The following PPP1R21 variants were observed in gnomAD, a reference collection of about 807,000 sequenced individuals.
PPP1R21 encodes KLRAQ motif containing 1.
In PPP1R21, 85 loss-of-function variants were observed where a neutral mutation model predicts 112.8. The observed-to-expected ratio is 0.75, with a 90% CI of 0.63 to 0.90. The LOEUF is 0.90. Ranked by LOEUF, PPP1R21 falls within the 40% of genes least tolerant of loss-of-function variation. The probability of loss-of-function intolerance (pLI) is 0.00; values close to 1 mark genes in which losing one functional copy is unlikely to be tolerated. For missense variants in PPP1R21, 1,199 were observed against 901.5 expected (o/e 1.33, Z -4.23); for synonymous variants, 381 against 322.3 (o/e 1.18, Z -1.95).
Position 48,491,057 on chromosome 2 carries a change from G to C in PPP1R21, c.1486G>C (p.Ala496Pro), listed in dbSNP as rs1469376292. The change falls in exon 15 of 22, where the codon GCT (alanine) becomes CCT (proline). Residue 496 changes from alanine to proline, a missense_variant. By Grantham distance (27) the Ala-to-Pro change is conservative (BLOSUM62 -1). Transcript: ENST00000294952. ...CAGCAACAATTTGGACTACTTCATT[G>C]CTTCACTGAGCTATGGACCTAAGGC... ...FFSNNLDYFI[A>P]SLSYGPKAAS... 1 of 1,613,852 alleles carries C rather than the reference G, an allele frequency of 6.2e-7. No individual in the cohort carries two copies. Among genetic ancestry groups the C allele is most frequent in the African/African-American group, 1.3e-5 (1 of 74,876 alleles).
chr2:48,442,598 T>C lies in PPP1R21; in HGVS notation c.57+1588T>C, dbSNP rs149133685. 8.6e-3 allele frequency among the ~76,000 whole-genome samples: 1,311 copies of C among 152,276 alleles called. 11 individuals carry two copies. The highest frequency in any genetic ancestry group is 0.013 in the Non-Finnish European group (888 of 68,016). ...TCACCTTTAATGGAATATTCTAACGTAGTACATAGTTATGATATAGTACGA... is the reference window on the plus strand; with the variant it reads ...TCACCTTTAATGGAATATTCTAACGCAGTACATAGTTATGATATAGTACGA... On this transcript the variant is annotated intron_variant, in intron 1 of 21. Transcript: ENST00000294952.
At chr2:48,510,381 C>T (rs1281186036) in intron 20 of PPP1R21, among the ~76,000 whole-genome samples, 3 of 152,168 alleles carry the variant, frequency 2.0e-5, no homozygotes, top group Non-Finnish European at 2.9e-5. Flanking sequence ...TTTCTTTCCC[C>T]TTCCTTGTAC....
chr2:48,458,141 T>A lies in PPP1R21; in HGVS notation c.289T>A (p.Ser97Thr), dbSNP rs767995383. The change falls in exon 4 of 22, where the codon TCT (serine) becomes ACT (threonine). Residue 97 changes from serine to threonine, a missense_variant. Coordinates refer to ENST00000294952, the MANE Select transcript of PPP1R21 (RefSeq NM_001135629.3). ...GKKNKKSGES[S>T]SQLSQEQKSV... Reference sequence around the variant, plus strand: ...TTTCCATCAGAAAAGTGGAGAATCTTCTTCTCAGTTGAGTCAAGAGCAGAA... The same window carrying A: ...TTTCCATCAGAAAAGTGGAGAATCTACTTCTCAGTTGAGTCAAGAGCAGAA... The A allele has an allele frequency of 5.6e-6, 9 of 1,610,776 alleles. No individual in the cohort carries two copies. In the South Asian group the frequency reaches 9.9e-5, roughly 18 times the overall value.
At chr2:48,507,931 A>G (rs1670463252) in intron 19 of PPP1R21, among the ~76,000 whole-genome samples, 1 of 151,180 alleles carries the variant, frequency 6.6e-6, no homozygotes, top group Non-Finnish European at 1.5e-5. Context: ...ATGCCTGGCT[A>G]ATTTTTGTAT....
At chr2:48,469,515 T>TATATATATATATAGAGC (rs1668404796) in intron 9 of PPP1R21, among the ~76,000 whole-genome samples, 1 of 16,248 alleles carries the variant, frequency 6.2e-5, no homozygotes, top group Non-Finnish European at 1.2e-4. Flanking sequence ...AGAGCATATA[T>TATATATATATATAGAGC]ATATATATAT....
intron 13 of PPP1R21, 51 bp downstream of exon 13, chr2:48,480,067 G>T (rs189329636): frequency 4.2e-6 from 5 of 1,181,042 alleles, no homozygotes; most frequent in Admixed American, 1.7e-5. Context: ...CACTTTCTTC[G>T]ATCTGCCTGA....
chr2:48,448,590 A>G (rs1021743157), intron 1 of PPP1R21, among the ~76,000 whole-genome samples: 8 of 23,932 alleles, frequency 3.3e-4, no homozygotes, highest in Admixed American at 3.3e-3. Context: ...ATGAAATAAA[A>G]TCTAACGTCT....
chr2:48,486,768 T>A lies in PPP1R21; in HGVS notation c.1446+10T>A. ...AAATGGAGCAGGAAAGGTAATTCTC[T>A]TCTGGCGTATATTGATGTTAAAACT... On this transcript the variant is annotated intron_variant, in intron 14 of 21. Transcript: ENST00000294952. The A allele has an allele frequency of 6.2e-7, 1 of 1,610,356 alleles. No individual in the cohort carries two copies. Among genetic ancestry groups the A allele is most frequent in the South Asian group, 1.1e-5 (1 of 90,318 alleles).
intron 9 of PPP1R21, among the ~76,000 whole-genome samples, chr2:48,469,665 A>G (rs1572853364): frequency 6.7e-6 from 1 of 150,140 alleles, no homozygotes; most frequent in South Asian, 2.1e-4. Flanking sequence ...GCTTGTTGCC[A>G]TGTTATACCC....
At chr2:48,460,976 G>A (rs150323534) in intron 6 of PPP1R21, among the ~76,000 whole-genome samples, 162 bp from the exon 7 acceptor site, 164 of 152,290 alleles carry the variant, frequency 1.1e-3, no homozygotes, top group African/African-American at 3.4e-3. Flanking sequence ...CCAGGTTAGC[G>A]TTTTTGTTAT....
chr2:48,448,222 A>G (rs183306440), intron 1 of PPP1R21, among the ~76,000 whole-genome samples: 2 of 152,336 alleles, frequency 1.3e-5, no homozygotes, highest in East Asian at 3.9e-4. Flanking sequence ...AAATGGTTTC[A>G]TTGAAACCAT....
chr2:48,490,362 TTAAAG>T (rs1488911706), intron 14 of PPP1R21, among the ~76,000 whole-genome samples: 1 of 152,190 alleles, frequency 6.6e-6, no homozygotes, highest in Non-Finnish European at 1.5e-5. Flanking sequence ...TGAAGTCACT[TTAAAG>T]TACTTGTTGA....
chr2:48,484,623 T>C (rs542877494), intron 13 of PPP1R21, among the ~76,000 whole-genome samples: 112 of 152,204 alleles, frequency 7.4e-4, no homozygotes, highest in African/African-American at 2.5e-3. Context: ...TTTAAGCAAT[T>C]CTTATGCCTC....
chr2:48,506,406 A>G (rs577929368), intron 18 of PPP1R21, among the ~76,000 whole-genome samples: 1 of 152,172 alleles, frequency 6.6e-6, no homozygotes, highest in African/African-American at 2.4e-5. Context: ...TTTAAGATGT[A>G]ACTTTATAAA....
chr2:48,480,104 G>C, intron 13 of PPP1R21, 88 bp downstream of exon 13: 1 of 887,372 alleles, frequency 1.1e-6, no homozygotes, highest in Non-Finnish European at 1.9e-6. Context: ...CACTGCCAAG[G>C]GTAATAGACC....
intron 9 of PPP1R21, 69 bp downstream of exon 9, chr2:48,465,711 C>A: frequency 7.1e-7 from 1 of 1,415,276 alleles, no homozygotes; most frequent in Non-Finnish European, 9.7e-7. Flanking sequence ...GTTTTTAGAC[C>A]TCTTCTGTGC....
chr2:48,455,709 C>T (rs539923735), intron 3 of PPP1R21, among the ~76,000 whole-genome samples: 5 of 152,070 alleles, frequency 3.3e-5, no homozygotes, highest in Non-Finnish European at 4.4e-5. Context: ...ATTGTCAAAG[C>T]GTTACTACTC....
At chr2:48,473,063 A>T (rs1425812379) in intron 11 of PPP1R21, among the ~76,000 whole-genome samples, 1 of 150,652 alleles carries the variant, frequency 6.6e-6, no homozygotes, top group Non-Finnish European at 1.5e-5. Context: ...AAACTAAAGT[A>T]GTAAGTTTGG....
intron 12 of PPP1R21, among the ~76,000 whole-genome samples, chr2:48,475,955 A>G (rs1037992968): frequency 4.6e-5 from 7 of 152,170 alleles, no homozygotes; most frequent in Admixed American, 3.9e-4. Flanking sequence ...GCATTATTGT[A>G]TAATTTATAT....
Sources: allele counts gnomAD v4.1 joint callset (sites outside exome capture counted in the v4.1 genomes callset), GRCh38; gene constraint gnomAD v4.1.1; transcripts MANE v1.5; gene names NCBI Gene and HGNC (gene_info 2026-07-23, HGNC 2026-07-21).